LSAMP: variants seen among roughly 807,000 people sequenced by gnomAD.
LSAMP encodes the protein limbic system-associated membrane protein.
LSAMP carries 7 observed loss-of-function variants against 38.6 expected under a neutral mutation model. The ratio of observed to expected loss-of-function variants is 0.18; its 90% confidence interval spans 0.10 to 0.34. The LOEUF is 0.34. Among genes scored for constraint, LSAMP ranks in the 10% least tolerant of loss-of-function variants. The pLI is 1.00. For missense variants in LSAMP, 313 were observed against 420.0 expected (o/e 0.75, Z 2.23); for synonymous variants, 154 against 166.8 (o/e 0.92, Z 0.59).
intron 1 of LSAMP, among the ~76,000 whole-genome samples, chr3:116,129,517 G>T (rs1187256550): frequency 1.3e-5 from 2 of 152,186 alleles, no homozygotes; most frequent in Non-Finnish European, 2.9e-5. Context: ...ACACACCACA[G>T]TTATGTGAAG....
intron 1 of LSAMP, among the ~76,000 whole-genome samples, chr3:116,101,309 C>T (rs1708342248): frequency 6.6e-6 from 1 of 152,150 alleles, no homozygotes. Flanking sequence ...CCTATATTTG[C>T]TTCTATCATT....
chr3:116,444,744 A>C (rs956607437), intron 1 of LSAMP, 133 bp downstream of exon 1: 11 of 1,158,040 alleles, frequency 9.5e-6, no homozygotes, highest in African/African-American at 9.1e-5. Context: ...ACACACACAC[A>C]CCACAAGCCT....
chr3:115,855,711 A>G (rs1236559762), intron 3 of LSAMP, among the ~76,000 whole-genome samples: 2 of 152,204 alleles, frequency 1.3e-5, no homozygotes, highest in Non-Finnish European at 2.9e-5. Context: ...GTCCGTCCTC[A>G]TGAGAGCAAA....
intron 1 of LSAMP, among the ~76,000 whole-genome samples, chr3:116,110,235 G>A (rs1237333578): frequency 1.3e-5 from 2 of 150,348 alleles, no homozygotes; most frequent in African/African-American, 4.9e-5. Flanking sequence ...GTAGAGACAA[G>A]GAGAGAAGGG....
intron 1 of LSAMP, among the ~76,000 whole-genome samples, chr3:116,111,580 G>T (rs1708616856): frequency 6.6e-6 from 1 of 151,902 alleles, no homozygotes; most frequent in African/African-American, 2.4e-5. Context: ...AAGTGATATG[G>T]TTTATCACCT....
At chr3:116,254,429 G>C (rs1007066121) in intron 1 of LSAMP, among the ~76,000 whole-genome samples, 1 of 152,004 alleles carries the variant, frequency 6.6e-6, no homozygotes, top group African/African-American at 2.4e-5. Context: ...GGGTGATAGA[G>C]GGAGAAAGAG....
chr3:115,959,925 T>A (rs1276861650), intron 3 of LSAMP, among the ~76,000 whole-genome samples: 1 of 152,162 alleles, frequency 6.6e-6, no homozygotes, highest in Non-Finnish European at 1.5e-5. Flanking sequence ...CCCCAACTCA[T>A]GTAAAGGGAA....
chr3:116,302,873 T>C (rs1418134648), intron 1 of LSAMP, among the ~76,000 whole-genome samples: 1 of 152,170 alleles, frequency 6.6e-6, no homozygotes, highest in Non-Finnish European at 1.5e-5. Flanking sequence ...TCCATTAGGA[T>C]ATACAAAATA....
chr3:116,369,651 G>A (rs1411291047), intron 1 of LSAMP, among the ~76,000 whole-genome samples: 8 of 152,086 alleles, frequency 5.3e-5, no homozygotes, highest in Non-Finnish European at 5.9e-5. Context: ...GTTATTGACT[G>A]GAATTACGTC....
At chr3:116,121,895 T>C (rs866788703) in intron 1 of LSAMP, among the ~76,000 whole-genome samples, 3,231 of 151,688 alleles carry the variant, frequency 0.021, 118 homozygotes, top group African/African-American at 0.074. Flanking sequence ...ATTTTTTTTT[T>C]TTTTTTTTTA....
intron 1 of LSAMP, among the ~76,000 whole-genome samples, chr3:116,405,060 T>C (rs528621673): frequency 2.3e-4 from 35 of 152,248 alleles, no homozygotes; most frequent in African/African-American, 7.5e-4. Flanking sequence ...TTATTCATAT[T>C]GGGCTATCTG....
At chr3:115,926,122 G>A (rs1937493816) in intron 3 of LSAMP, among the ~76,000 whole-genome samples, 1 of 152,170 alleles carries the variant, frequency 6.6e-6, no homozygotes, top group African/African-American at 2.4e-5. Context: ...GAAAACAGGT[G>A]TCTGGAGATG....
chr3:116,266,215 C>G (rs557915841), intron 1 of LSAMP, among the ~76,000 whole-genome samples: 3 of 152,102 alleles, frequency 2.0e-5, no homozygotes, highest in East Asian at 1.9e-4. Flanking sequence ...TATCACACCA[C>G]GTAACTAATT....
chr3:116,363,843 G>T (rs1418251193), intron 1 of LSAMP, among the ~76,000 whole-genome samples: 1 of 143,642 alleles, frequency 7.0e-6, no homozygotes, highest in African/African-American at 2.7e-5. Flanking sequence ...AATAAATTAG[G>T]TATTGATGGG....
At chr3:115,930,138 A>G (rs1937558900) in intron 3 of LSAMP, among the ~76,000 whole-genome samples, 1 of 151,018 alleles carries the variant, frequency 6.6e-6, no homozygotes, top group African/African-American at 2.4e-5. Flanking sequence ...TACCAGCTCC[A>G]TCTGTTTTAC....
chr3:115,857,642 A>C (rs1935549831), intron 3 of LSAMP, among the ~76,000 whole-genome samples: 1 of 152,162 alleles, frequency 6.6e-6, no homozygotes, highest in African/African-American at 2.4e-5. Flanking sequence ...TGTTTAGTTT[A>C]AATCTCCCTT....
chr3:116,388,759 T>C (rs1409226960), intron 1 of LSAMP, among the ~76,000 whole-genome samples: 1 of 152,182 alleles, frequency 6.6e-6, no homozygotes, highest in Non-Finnish European at 1.5e-5. Flanking sequence ...AAAATATAAC[T>C]ATAGCTCTTT....
intron 2 of LSAMP, among the ~76,000 whole-genome samples, chr3:116,027,162 A>C (rs987555987): frequency 6.6e-6 from 1 of 152,172 alleles, no homozygotes; most frequent in Admixed American, 6.6e-5. Flanking sequence ...TCAAATCTGG[A>C]AACCCTGGGA....
chr3:116,379,312 A>G (rs1158768622), intron 1 of LSAMP, among the ~76,000 whole-genome samples: 1 of 152,086 alleles, frequency 6.6e-6, no homozygotes, highest in African/African-American at 2.4e-5. Flanking sequence ...TGGGGTAGCC[A>G]GAGCAGTTTC....
Sources: allele counts gnomAD v4.1 joint callset (sites outside exome capture counted in the v4.1 genomes callset), GRCh38; gene constraint gnomAD v4.1.1; transcripts MANE v1.5; gene names NCBI Gene and HGNC (gene_info 2026-07-23, HGNC 2026-07-21).